NTRK2: variants seen among roughly 807,000 people sequenced by gnomAD.
The protein encoded by NTRK2 is BDNF/NT-3 growth factors receptor.
NTRK2 carries 13 observed loss-of-function variants against 94.5 expected under a neutral mutation model. The observed-to-expected ratio is 0.14, with a 90% CI of 0.09 to 0.22. The LOEUF (loss-of-function observed/expected upper bound fraction) is 0.22, where lower values mean the gene tolerates loss of function less well. Among genes scored for constraint, NTRK2 ranks in the 10% least tolerant of loss-of-function variants. The pLI, the probability that NTRK2 is intolerant of heterozygous loss-of-function variation, is 1.00. For synonymous variants in NTRK2, 372 were observed against 407.4 expected, an observed-to-expected ratio of 0.91 and a Z score of 1.05; for missense variants, 639 against 1,071.2, an observed-to-expected ratio of 0.60 and a Z score of 5.63.
chr9:84,895,956 C>T (rs1007962740), intron 14 of NTRK2, among the ~76,000 whole-genome samples: 4 of 152,194 alleles, frequency 2.6e-5, no homozygotes, highest in Non-Finnish European at 4.4e-5. Flanking sequence ...TATGTTAATT[C>T]GTAAATAAAT....
intron 17 of NTRK2, among the ~76,000 whole-genome samples, chr9:84,990,848 G>A (rs777404885): frequency 2.0e-5 from 3 of 152,190 alleles, no homozygotes; most frequent in Non-Finnish European, 4.4e-5. Context: ...GAATGGAAGT[G>A]TTTCAGAGAG....
chr9:85,020,930 C>A (rs1368787117), intron 18 of NTRK2, among the ~76,000 whole-genome samples: 2 of 152,152 alleles, frequency 1.3e-5, no homozygotes, highest in Non-Finnish European at 2.9e-5. Flanking sequence ...GCCTTAACAC[C>A]CAGGTGACTC....
intron 12 of NTRK2, among the ~76,000 whole-genome samples, chr9:84,854,685 G>A (rs191409625): frequency 2.0e-5 from 3 of 152,182 alleles, no homozygotes; most frequent in Middle Eastern, 3.4e-3. Context: ...GGTGGCTCAC[G>A]ACTGTAATCC....
intron 14 of NTRK2, among the ~76,000 whole-genome samples, chr9:84,921,934 C>A (rs1051051173): frequency 7.2e-5 from 11 of 152,138 alleles, no homozygotes; most frequent in African/African-American, 2.7e-4. Flanking sequence ...GGAACAATTT[C>A]TTTCCATCTT....
At chr9:84,788,524 G>A (rs930745472) in intron 12 of NTRK2, among the ~76,000 whole-genome samples, 2 of 152,010 alleles carry the variant, frequency 1.3e-5, no homozygotes, top group Non-Finnish European at 2.9e-5. Context: ...AGAGACCAGA[G>A]CTTGCTTTAT....
chr9:84,711,583 T>C (rs1279977767), intron 6 of NTRK2, among the ~76,000 whole-genome samples: 2 of 152,228 alleles, frequency 1.3e-5, no homozygotes, highest in African/African-American at 2.4e-5. Context: ...CAAACAATTA[T>C]GTTTGATCTT....
chr9:84,870,240 AAG>A (rs2075791603), intron 14 of NTRK2, among the ~76,000 whole-genome samples: 1 of 141,088 alleles, frequency 7.1e-6, no homozygotes, highest in African/African-American at 2.6e-5. Context: ...GTACATATAT[AAG>A]TATATGTACA....
In NTRK2 at chr9:84,714,536, A is replaced by G. The variant is rs141245393; in HGVS notation, c.583+3745A>G. On this transcript the variant is annotated intron_variant, in intron 6 of 18. Transcript: ENST00000277120. Reference sequence around the variant, plus strand: ...AAAGGGAGCCTTCACTTTGGGGCTTAGTCATGTATTAATTTTCTTTTGATG... The same window carrying G: ...AAAGGGAGCCTTCACTTTGGGGCTTGGTCATGTATTAATTTTCTTTTGATG... Among the ~76,000 whole-genome samples, 3 of 152,292 alleles carry G rather than the reference A, an allele frequency of 2.0e-5. No individual in the cohort carries two copies. The East Asian group carries it at 5.8e-4, about 29-fold the overall frequency.
At chr9:84,910,657 G>T (rs970595765) in intron 14 of NTRK2, among the ~76,000 whole-genome samples, 3 of 152,106 alleles carry the variant, frequency 2.0e-5, no homozygotes, top group African/African-American at 7.2e-5. Context: ...CTACAAAATT[G>T]CTTTTACATG....
intron 16 of NTRK2, among the ~76,000 whole-genome samples, chr9:84,953,121 T>C (rs999790760): frequency 6.6e-6 from 1 of 152,140 alleles, no homozygotes; most frequent in Non-Finnish European, 1.5e-5. Flanking sequence ...CATTGGCAAT[T>C]TCCCCTGACC....
chr9:84,825,931 G>C (rs1242622299), intron 12 of NTRK2, among the ~76,000 whole-genome samples: 1 of 152,228 alleles, frequency 6.6e-6, no homozygotes, highest in Non-Finnish European at 1.5e-5. Flanking sequence ...TGAGATGTGT[G>C]AATGTTTCTG....
intron 17 of NTRK2, among the ~76,000 whole-genome samples, chr9:84,990,978 C>G (rs971119232): frequency 6.6e-6 from 1 of 152,108 alleles, no homozygotes; most frequent in African/African-American, 2.4e-5. Context: ...GCTGTTGGCC[C>G]GGCATCTTTC....
chr9:84,837,480 C>T (rs536584038), intron 12 of NTRK2, among the ~76,000 whole-genome samples: 46 of 152,246 alleles, frequency 3.0e-4, no homozygotes, highest in African/African-American at 1.1e-3. Flanking sequence ...GAATTATTTA[C>T]AGATATATAT....
At chr9:84,848,595 T>A (rs1054959571) in intron 12 of NTRK2, among the ~76,000 whole-genome samples, 2 of 152,152 alleles carry the variant, frequency 1.3e-5, no homozygotes, top group Non-Finnish European at 2.9e-5. Context: ...CTTTCAGTAG[T>A]GCCTTTAATG....
chr9:84,694,713 A>G (rs2060255198), intron 2 of NTRK2, among the ~76,000 whole-genome samples: 1 of 152,222 alleles, frequency 6.6e-6, no homozygotes, highest in East Asian at 1.9e-4. Flanking sequence ...GAATCCTGTC[A>G]TAGTTGAAAT....
chr9:84,947,478 C>T (rs1029441286), intron 15 of NTRK2, among the ~76,000 whole-genome samples: 7 of 151,550 alleles, frequency 4.6e-5, no homozygotes, highest in African/African-American at 1.5e-4. Flanking sequence ...TATAGCATTC[C>T]AGGCAGAGGA....
At chr9:84,676,602 G>A (rs902597977) in intron 2 of NTRK2, among the ~76,000 whole-genome samples, 34 of 152,178 alleles carry the variant, frequency 2.2e-4, no homozygotes, top group African/African-American at 8.2e-4. Flanking sequence ...GCCGAAGGCC[G>A]ACTCATTAAC....
At chr9:84,916,225 A>C (rs767723709) in intron 14 of NTRK2, among the ~76,000 whole-genome samples, 6 of 152,060 alleles carry the variant, frequency 3.9e-5, no homozygotes, top group Non-Finnish European at 5.9e-5. Context: ...GCATCCCACC[A>C]AGGGCCAGGG....
At chr9:84,713,643 A>AT (rs1280150354) in intron 6 of NTRK2, among the ~76,000 whole-genome samples, 2 of 151,986 alleles carry the variant, frequency 1.3e-5, no homozygotes, top group Non-Finnish European at 2.9e-5. Flanking sequence ...ATTGGCCTGT[A>AT]TTTTTTCTTC....
Sources: gnomAD v4.1 joint callset for allele counts (sites outside exome capture counted in the v4.1 genomes callset) on GRCh38, gnomAD v4.1.1 for gene constraint, MANE v1.5 for transcripts, NCBI Gene and HGNC (gene_info 2026-07-23, HGNC 2026-07-21) for gene names.